RPH3A: variants seen among roughly 807,000 people sequenced by gnomAD.
RPH3A encodes the protein rabphilin-3A.
In RPH3A, 48 loss-of-function variants were observed where a neutral mutation model predicts 102.2. The observed-to-expected ratio is 0.47, with a 90% confidence interval of 0.37 to 0.60. The LOEUF (loss-of-function observed/expected upper bound fraction) is 0.60, where lower values mean the gene tolerates loss of function less well. Ranked by LOEUF, RPH3A falls within the 20% of genes least tolerant of loss-of-function variation. RPH3A has a pLI of 0.00. For synonymous variants in RPH3A, 310 were observed against 324.3 expected (o/e 0.96, Z 0.47); for missense variants, 781 against 910.1 (o/e 0.86, Z 1.83).
chr12:112,828,309 G>A lies in RPH3A; in HGVS notation c.-10G>A. ...GGATTGATGTTTTCCAGGAGCACTAGACATCTACTATGACTGACACCGTGT... is the reference window on the plus strand; with the variant it reads ...GGATTGATGTTTTCCAGGAGCACTAAACATCTACTATGACTGACACCGTGT... On this transcript the variant is annotated 5_prime_UTR_variant, in exon 3 of 22. Coordinates refer to ENST00000389385, the MANE Select transcript of RPH3A (RefSeq NM_001143854.2). The A allele has an allele frequency of 6.2e-7, 1 of 1,610,194 alleles. No homozygotes were observed. The highest frequency in any genetic ancestry group is 8.5e-7 in the Non-Finnish European group (1 of 1,177,450).
chr12:112,579,192 A>G (rs2039379567), intron 1 of RPH3A, among the ~76,000 whole-genome samples: 1 of 152,128 alleles, frequency 6.6e-6, no homozygotes, highest in African/African-American at 2.4e-5. Flanking sequence ...GGTTGGATTT[A>G]CCACTGTCAA....
chr12:112,709,739 C>T (rs2040447553), intron 1 of RPH3A, among the ~76,000 whole-genome samples: 1 of 152,068 alleles, frequency 6.6e-6, no homozygotes, highest in Non-Finnish European at 1.5e-5. Flanking sequence ...GCAGGTGGGT[C>T]ATTCCAACCA....
intron 1 of RPH3A, among the ~76,000 whole-genome samples, chr12:112,706,993 A>G (rs2040431185): frequency 6.6e-6 from 1 of 152,122 alleles, no homozygotes; most frequent in Admixed American, 6.5e-5. Flanking sequence ...CGTGACCTAC[A>G]TTGTTGATTC....
At chr12:112,802,599 ATG>A (rs2041375777) in intron 2 of RPH3A, among the ~76,000 whole-genome samples, 1 of 151,900 alleles carries the variant, frequency 6.6e-6, no homozygotes. Flanking sequence ...TGGTGCGAGC[ATG>A]TGTGTGTGAG....
At chr12:112,855,517 A>G (rs1173038306) in intron 5 of RPH3A, among the ~76,000 whole-genome samples, 1 of 152,210 alleles carries the variant, frequency 6.6e-6, no homozygotes, top group African/African-American at 2.4e-5. Context: ...AGGCCCAGGC[A>G]GGAATCCCAT....
chr12:112,771,382 T>A (rs1475808676), intron 1 of RPH3A, among the ~76,000 whole-genome samples: 1 of 152,230 alleles, frequency 6.6e-6, no homozygotes, highest in Non-Finnish European at 1.5e-5. Flanking sequence ...TTCAGTTCAT[T>A]TAAACTTGCC....
chr12:112,724,746 A>G (rs2040575041), intron 1 of RPH3A, among the ~76,000 whole-genome samples: 1 of 152,212 alleles, frequency 6.6e-6, no homozygotes, highest in Non-Finnish European at 1.5e-5. Context: ...AGCTGGGTGG[A>G]TCACTTGAGC....
At chr12:112,826,741 T>C (rs1005971576) in intron 2 of RPH3A, among the ~76,000 whole-genome samples, 1 of 152,226 alleles carries the variant, frequency 6.6e-6, no homozygotes, top group African/African-American at 2.4e-5. Context: ...TATGGGTTCA[T>C]CCATGGTGTT....
intron 1 of RPH3A, among the ~76,000 whole-genome samples, chr12:112,582,923 TG>T (rs1566216378): frequency 6.6e-6 from 1 of 152,232 alleles, no homozygotes; most frequent in Non-Finnish European, 1.5e-5. Flanking sequence ...TTATTTTCCT[TG>T]AGTTTATGGC....
rs116700516 is a variant in RPH3A at position 112,698,885 on chromosome 12, C to T, written c.-139-93258C>T. 4.0e-3 allele frequency among the ~76,000 whole-genome samples: 595 copies of T among 147,756 alleles called. 4 individuals carry two copies. The highest frequency in any genetic ancestry group is 0.014 in the African/African-American group (559 of 39,638). ...CCCCTTCCCCTTCCCCTTCCCCTTC[C>T]GCTTCCCTTTCCCCTTCCTCCTCCC... On this transcript the variant is annotated intron_variant, in intron 1 of 21. Coordinates refer to the RPH3A transcript ENST00000543106.
intron 1 of RPH3A, among the ~76,000 whole-genome samples, chr12:112,645,222 T>C (rs1432421134): frequency 6.6e-6 from 1 of 152,128 alleles, no homozygotes; most frequent in Non-Finnish European, 1.5e-5. Flanking sequence ...TCACACCACA[T>C]GCCACCCTGG....
chr12:112,631,284 T>A (rs2039802505), intron 1 of RPH3A, among the ~76,000 whole-genome samples: 1 of 152,054 alleles, frequency 6.6e-6, no homozygotes, highest in African/African-American at 2.4e-5. Flanking sequence ...CACAGTGAAA[T>A]GGAGGCAGGG....
chr12:112,827,041 G>A (rs2041888973), intron 2 of RPH3A, among the ~76,000 whole-genome samples: 1 of 152,094 alleles, frequency 6.6e-6, no homozygotes, highest in East Asian at 1.9e-4. Context: ...GTGTTCCAAA[G>A]TGGTGACACC....
intron 1 of RPH3A, among the ~76,000 whole-genome samples, chr12:112,678,140 T>G (rs1055571080): frequency 9.9e-5 from 15 of 151,410 alleles, no homozygotes; most frequent in African/African-American, 3.2e-4. Flanking sequence ...GAGGTTGCAG[T>G]GAGCTGAGAT....
chr12:112,667,068 T>C (rs1477664585), intron 1 of RPH3A, among the ~76,000 whole-genome samples: 1 of 152,146 alleles, frequency 6.6e-6, no homozygotes, highest in Non-Finnish European at 1.5e-5. Context: ...GGTTCTCTGC[T>C]CCAGCCACAA....
At chr12:112,751,390 C>T (rs984598432) in intron 1 of RPH3A, among the ~76,000 whole-genome samples, 3 of 152,086 alleles carry the variant, frequency 2.0e-5, no homozygotes, top group African/African-American at 7.2e-5. Flanking sequence ...AGTTGTGTGA[C>T]GTTGAAAGGT....
At chr12:112,739,970 C>G (rs568408395) in intron 1 of RPH3A, among the ~76,000 whole-genome samples, 1 of 152,248 alleles carries the variant, frequency 6.6e-6, no homozygotes, top group Non-Finnish European at 1.5e-5. Context: ...GTAGTAACCA[C>G]TTTCTGCTGT....
intron 5 of RPH3A, among the ~76,000 whole-genome samples, chr12:112,848,083 A>G (rs1257976994): frequency 6.6e-6 from 1 of 151,990 alleles, no homozygotes; most frequent in Non-Finnish European, 1.5e-5. Flanking sequence ...TTGGGCTGCG[A>G]GTGAGGAGGT....
chr12:112,712,964 T>TTCTTCTTCTTCTTCTTCTTCTTC (rs1417742814), intron 1 of RPH3A, among the ~76,000 whole-genome samples: 1 of 70,280 alleles, frequency 1.4e-5, no homozygotes, highest in Non-Finnish European at 2.9e-5. Flanking sequence ...CTTCTTCTTC[T>TTCTTCTTCTTCTTCTTCTTCTTC]TTCTTCTTCT....
Sources: gnomAD v4.1 joint callset for allele counts (sites outside exome capture counted in the v4.1 genomes callset) on GRCh38, gnomAD v4.1.1 for gene constraint, MANE v1.5 for transcripts, NCBI Gene and HGNC (gene_info 2026-07-23, HGNC 2026-07-21) for gene names.